Variants in KCNQ3 observed in about 807,000 individuals in gnomAD.
The protein encoded by KCNQ3 is potassium voltage-gated channel subfamily KQT member 3.
In KCNQ3, 30 loss-of-function variants were observed where a neutral mutation model predicts 92.5. That is an observed-to-expected ratio of 0.32 (90% CI 0.24 to 0.44). KCNQ3 has a LOEUF of 0.44. Ranked by LOEUF, KCNQ3 falls within the 20% of genes least tolerant of loss-of-function variation. The pLI is 1.00. For synonymous variants in KCNQ3, 450 were observed against 468.8 expected, an observed-to-expected ratio of 0.96 and a Z score of 0.52; for missense variants, 913 against 1,140.3, an observed-to-expected ratio of 0.80 and a Z score of 2.87.
chr8:132,385,353 G>A (rs1290615570), intron 1 of KCNQ3, among the ~76,000 whole-genome samples: 5 of 152,220 alleles, frequency 3.3e-5, no homozygotes, highest in Admixed American at 6.5e-5. Flanking sequence ...AACTCAGAGT[G>A]TGCTTTCTGG....
intron 14 of KCNQ3, among the ~76,000 whole-genome samples, chr8:132,131,739 A>G (rs2469511): frequency 0.37 from 55,712 of 152,036 alleles, 10,854 homozygotes; most frequent in Middle Eastern, 0.46. Flanking sequence ...TTTGATTTCC[A>G]TATCTTTTTT....
At chr8:132,300,855 G>A (rs925488515) in intron 1 of KCNQ3, among the ~76,000 whole-genome samples, 4 of 152,124 alleles carry the variant, frequency 2.6e-5, no homozygotes, top group African/African-American at 9.7e-5. Context: ...CGATCACTGG[G>A]CATGATGTGA....
chr8:132,461,320 T>G (rs149597320), intron 1 of KCNQ3, among the ~76,000 whole-genome samples: 309 of 152,282 alleles, frequency 2.0e-3, no homozygotes, highest in African/African-American at 7.2e-3. Context: ...TCCCAGCACT[T>G]TGGGAGGCCG....
intron 1 of KCNQ3, among the ~76,000 whole-genome samples, chr8:132,407,200 C>T (rs1469504641): frequency 6.6e-6 from 1 of 152,174 alleles, no homozygotes; most frequent in Non-Finnish European, 1.5e-5. Context: ...GGAGCAGCCA[C>T]AGCAAAGAGC....
intron 1 of KCNQ3, among the ~76,000 whole-genome samples, chr8:132,317,076 C>A (rs1228487513): frequency 3.3e-5 from 5 of 152,090 alleles, no homozygotes; most frequent in Admixed American, 3.3e-4. Flanking sequence ...TTTCAGTTCC[C>A]AAATTATTTA....
At chr8:132,159,348 A>ACTT (rs1825913566) in intron 9 of KCNQ3, among the ~76,000 whole-genome samples, 1 of 152,176 alleles carries the variant, frequency 6.6e-6, no homozygotes, top group Non-Finnish European at 1.5e-5. Context: ...TGAGTATCCC[A>ACTT]CTTCAATCAT....
intron 1 of KCNQ3, among the ~76,000 whole-genome samples, chr8:132,324,804 G>A (rs1465921190): frequency 6.6e-6 from 1 of 152,130 alleles, no homozygotes; most frequent in Non-Finnish European, 1.5e-5. Context: ...TCCAAAGGTA[G>A]GACCCAGCTC....
chr8:132,329,032 C>A (rs1292676835), intron 1 of KCNQ3, among the ~76,000 whole-genome samples: 1 of 152,172 alleles, frequency 6.6e-6, no homozygotes, highest in African/African-American at 2.4e-5. Context: ...CTACTAAGTG[C>A]CAGGCATTCT....
intron 1 of KCNQ3, among the ~76,000 whole-genome samples, chr8:132,244,920 CAAAAA>C (rs35215337): frequency 1.8e-5 from 2 of 112,374 alleles, no homozygotes; most frequent in Non-Finnish European, 1.7e-5. Context: ...CTCACTTGAC[CAAAAA>C]AAAAAAAAAA....
chr8:132,288,833 G>A (rs530812892), intron 1 of KCNQ3, among the ~76,000 whole-genome samples: 1 of 152,126 alleles, frequency 6.6e-6, no homozygotes, highest in Admixed American at 6.6e-5. Flanking sequence ...TCTGTCTACC[G>A]ATGTGTCCAG....
chr8:132,334,140 T>C (rs1818302728), intron 1 of KCNQ3, among the ~76,000 whole-genome samples: 1 of 152,160 alleles, frequency 6.6e-6, no homozygotes, highest in Non-Finnish European at 1.5e-5. Flanking sequence ...AATCTTCCCA[T>C]ATTGTTGGGC....
chr8:132,396,041 T>G (rs1020859171), intron 1 of KCNQ3, among the ~76,000 whole-genome samples: 4 of 152,182 alleles, frequency 2.6e-5, no homozygotes, highest in African/African-American at 9.6e-5. Context: ...CCTCATCCAC[T>G]AGGTGGAGCT....
chr8:132,454,533 C>T (rs914688402), intron 1 of KCNQ3, among the ~76,000 whole-genome samples: 1 of 151,864 alleles, frequency 6.6e-6, no homozygotes, highest in Non-Finnish European at 1.5e-5. Flanking sequence ...AAACGAGTAC[C>T]TCCGTTTTAC....
intron 1 of KCNQ3, among the ~76,000 whole-genome samples, chr8:132,398,505 A>C (rs1386488314): frequency 2.6e-5 from 4 of 152,214 alleles, no homozygotes; most frequent in Admixed American, 2.6e-4. Flanking sequence ...TGCCAAATAA[A>C]AATCTCAAAT....
At chr8:132,161,573 A>C (rs1239471468) in intron 9 of KCNQ3, among the ~76,000 whole-genome samples, 1 of 152,124 alleles carries the variant, frequency 6.6e-6, no homozygotes, top group Non-Finnish European at 1.5e-5. Flanking sequence ...CAGAGGTTTC[A>C]GTGAGCCGAG....
intron 1 of KCNQ3, among the ~76,000 whole-genome samples, chr8:132,332,566 T>A (rs1209453651): frequency 1.3e-5 from 2 of 152,182 alleles, no homozygotes; most frequent in African/African-American, 2.4e-5. Flanking sequence ...AACAGTGGGT[T>A]CCCCTATTCT....
In KCNQ3 at chr8:132,136,373, T is replaced by C. The variant is rs530859607; in HGVS notation, c.1700+1512A>G. ...TTTTGGTTTCCTGACTGTTATTCCATGGCTATTGACATCATAACTGCCCGT... is the reference window on the plus strand; with the variant it reads ...TTTTGGTTTCCTGACTGTTATTCCACGGCTATTGACATCATAACTGCCCGT... On this transcript the variant is annotated intron_variant, in intron 12 of 14. Coordinates refer to ENST00000388996, the MANE Select transcript of KCNQ3 (RefSeq NM_004519.4). 5.3e-5 allele frequency among the ~76,000 whole-genome samples: 8 copies of C among 152,246 alleles called. No individual in the cohort carries two copies. In the South Asian group the frequency reaches 8.3e-4, roughly 16 times the overall value.
At chr8:132,174,007 C>G (rs1429286126) in intron 6 of KCNQ3, among the ~76,000 whole-genome samples, 1 of 152,172 alleles carries the variant, frequency 6.6e-6, no homozygotes, top group Non-Finnish European at 1.5e-5. Flanking sequence ...GAGCGACTAG[C>G]TCAGCCTAAA....
chr8:132,142,425 AGAT>A (rs1169371312), intron 9 of KCNQ3, among the ~76,000 whole-genome samples: 1 of 152,098 alleles, frequency 6.6e-6, no homozygotes, highest in Non-Finnish European at 1.5e-5. Flanking sequence ...GGTTGCTATG[AGAT>A]GATGTTTATC....
Sources: allele counts gnomAD v4.1 joint callset (sites outside exome capture counted in the v4.1 genomes callset), GRCh38; gene constraint gnomAD v4.1.1; transcripts MANE v1.5; gene names NCBI Gene and HGNC (gene_info 2026-07-23, HGNC 2026-07-21).